EML4: variants seen among roughly 807,000 people sequenced by gnomAD.
The protein encoded by EML4 is EMAP like 4.
A neutral mutation model predicts 129.0 loss-of-function variants in EML4; 72 were observed. The observed-to-expected ratio is 0.56, with a 90% CI of 0.46 to 0.68. The LOEUF is 0.68. Ranked by LOEUF, EML4 falls within the 30% of genes least tolerant of loss-of-function variation. The pLI is 0.00. For missense variants in EML4, 1,363 were observed against 1,190.6 expected, an observed-to-expected ratio of 1.14 and a Z score of -2.13; for synonymous variants, 532 against 405.0, an observed-to-expected ratio of 1.31 and a Z score of -3.77.
chr2:42,289,961 C>T (rs925729624), intron 11 of EML4: 2 of 148,624 alleles, frequency 1.3e-5, no homozygotes, highest in African/African-American at 5.0e-5. Context: ...GTGGCAGTTG[C>T]TTGTAACCCC....
chr2:42,269,862 T>G (rs1003327467), intron 6 of EML4, among the ~76,000 whole-genome samples: 1 of 152,098 alleles, frequency 6.6e-6, no homozygotes, highest in African/African-American at 2.4e-5. Context: ...TTTCATGAGG[T>G]ACCTCATGCA....
chr2:42,191,999 C>T (rs998291916), intron 1 of EML4, among the ~76,000 whole-genome samples: 4 of 151,822 alleles, frequency 2.6e-5, no homozygotes, highest in African/African-American at 9.7e-5. Context: ...ATTAACCAGG[C>T]ATGGTGGCAC....
chr2:42,183,788 T>C (rs1671090442), intron 1 of EML4, among the ~76,000 whole-genome samples: 2 of 152,152 alleles, frequency 1.3e-5, no homozygotes, highest in Admixed American at 6.5e-5. Flanking sequence ...TTCAATAAAA[T>C]CTTTTTTTTC....
At chr2:42,281,075 AGTAAC>A in intron 7 of EML4, 102 bp downstream of exon 7, 1 of 922,838 alleles carries the variant, frequency 1.1e-6, no homozygotes, top group Non-Finnish European at 1.6e-6. Flanking sequence ...AAAAAAAAAA[AGTAAC>A]AGCTACTTAA....
intron 1 of EML4, among the ~76,000 whole-genome samples, chr2:42,196,952 A>G (rs1017584008): frequency 1.3e-5 from 2 of 152,178 alleles, no homozygotes; most frequent in Non-Finnish European, 2.9e-5. Context: ...GAAAAAGTAA[A>G]TTTCACTTAT....
In EML4 at chr2:42,263,260, C is replaced by G. The variant is rs751135716; in HGVS notation, c.595C>G (p.Pro199Ala). Residue 199 changes from proline (P) to alanine (A), a missense_variant, in exon 5 of 23, where the codon CCT (proline) becomes GCT (alanine). Pro to Ala is a conservative substitution (Grantham distance 27). Coordinates refer to ENST00000318522, the MANE Select transcript of EML4 (RefSeq NM_019063.5). ...DDSRNKLSKI[P>A]STPKLIPKVT... Reference sequence around the variant, plus strand: ...TAGCCGTAATAAATTGTCGAAAATACCTTCAACACCCAAATTAATACCAAA... The same window carrying G: ...TAGCCGTAATAAATTGTCGAAAATAGCTTCAACACCCAAATTAATACCAAA... The G allele has an allele frequency of 4.3e-6, 7 of 1,612,910 alleles. No homozygotes were observed. Among genetic ancestry groups the G allele is most frequent in the Non-Finnish European group, 5.1e-6 (6 of 1,179,590 alleles).
chr2:42,275,221 G>C (rs1212667438), intron 6 of EML4, among the ~76,000 whole-genome samples: 1 of 152,150 alleles, frequency 6.6e-6, no homozygotes, highest in Non-Finnish European at 1.5e-5. Flanking sequence ...TGTGTGATCA[G>C]TATAAAAAAA....
intron 17 of EML4, among the ~76,000 whole-genome samples, chr2:42,311,403 A>G (rs535111757): frequency 6.6e-6 from 1 of 152,274 alleles, no homozygotes; most frequent in South Asian, 2.1e-4. Context: ...TCTACAAAAA[A>G]TTAGCCAGGC....
In EML4 at chr2:42,317,444, G is replaced by A. The variant is rs201437414; in HGVS notation, c.2074G>A (p.Val692Ile). ...TATTCTAGATGGTACCTTCCTGGCTGTAGGATCTCATGACAACTTTATTTA... is the reference window on the plus strand; with the variant it reads ...TATTCTAGATGGTACCTTCCTGGCTATAGGATCTCATGACAACTTTATTTA... ...RYSIDGTFLA[V>I]GSHDNFIYLY... The change falls in exon 19 of 23, where the codon GTA (valine) becomes ATA (isoleucine). Residue 692 changes from valine to isoleucine, a missense_variant. By Grantham distance (29) the Val-to-Ile change is conservative (BLOSUM62 3). Transcript: ENST00000318522. 3.6e-5 allele frequency: 58 copies of A among 1,611,256 alleles called. No homozygotes were observed. The East Asian group carries it at 7.4e-4, about 20-fold the overall frequency.
At chr2:42,214,000 T>C (rs561822262) in intron 1 of EML4, among the ~76,000 whole-genome samples, 4 of 152,234 alleles carry the variant, frequency 2.6e-5, no homozygotes, top group African/African-American at 7.2e-5. Flanking sequence ...CTTTGTCTTA[T>C]TGTGTATATC....
At chr2:42,230,129 CT>C (rs1558521936) in intron 1 of EML4, among the ~76,000 whole-genome samples, 1 of 152,062 alleles carries the variant, frequency 6.6e-6, no homozygotes, top group African/African-American at 2.4e-5. Context: ...TAATAAGTGT[CT>C]TTTTTTCATT....
chr2:42,288,114 T>C (rs1307797226), intron 10 of EML4, 113 bp from the exon 11 acceptor site: 1 of 489,744 alleles, frequency 2.0e-6, no homozygotes, highest in Admixed American at 3.5e-5. Context: ...GCGATGAGTT[T>C]AAAGGATTTT....
chr2:42,329,393 A>G (rs557607267), intron 22 of EML4, among the ~76,000 whole-genome samples: 2 of 152,252 alleles, frequency 1.3e-5, no homozygotes, highest in Non-Finnish European at 2.9e-5. Context: ...AATCCTACCA[A>G]CATAGTAAAT....
chr2:42,244,098 T>TTG (rs1317751319), intron 1 of EML4, among the ~76,000 whole-genome samples: 2 of 46,362 alleles, frequency 4.3e-5, no homozygotes, highest in Non-Finnish European at 9.9e-5. Context: ...GTTTTTGTTT[T>TTG]TTGTTTTTTT....
chr2:42,209,793 G>C (rs1384764382), intron 1 of EML4, among the ~76,000 whole-genome samples: 1 of 152,104 alleles, frequency 6.6e-6, no homozygotes, highest in Non-Finnish European at 1.5e-5. Context: ...GCTGGGCATA[G>C]CGACGAGTGC....
At chr2:42,297,318 A>T (rs1278407867) in intron 13 of EML4, among the ~76,000 whole-genome samples, 3 of 152,192 alleles carry the variant, frequency 2.0e-5, no homozygotes, top group Non-Finnish European at 2.9e-5. Context: ...ATTGTTCACG[A>T]ATCTCCAACA....
intron 2 of EML4, 137 bp downstream of exon 2, chr2:42,245,824 TC>T: frequency 1.3e-6 from 1 of 782,426 alleles, no homozygotes; most frequent in Non-Finnish European, 1.9e-6. Flanking sequence ...TTTTTTTAAT[TC>T]CCAAAAAGTT....
intron 1 of EML4, among the ~76,000 whole-genome samples, chr2:42,217,323 C>CT (rs1465213492): frequency 1.6e-4 from 24 of 152,012 alleles, no homozygotes; most frequent in Non-Finnish European, 8.8e-5. Context: ...AGTTGAGTCT[C>CT]TAAGTTTTTT....
At chr2:42,246,543 G>A (rs1179871825) in intron 2 of EML4, among the ~76,000 whole-genome samples, 1 of 152,180 alleles carries the variant, frequency 6.6e-6, no homozygotes, top group Non-Finnish European at 1.5e-5. Context: ...ACCAGCAAAT[G>A]AGAAGCAGAT....
Sources: gnomAD v4.1 joint callset for allele counts (sites outside exome capture counted in the v4.1 genomes callset) on GRCh38, gnomAD v4.1.1 for gene constraint, MANE v1.5 for transcripts, NCBI Gene and HGNC (gene_info 2026-07-23, HGNC 2026-07-21) for gene names.